PDE4D: variants seen among roughly 807,000 people sequenced by gnomAD.
PDE4D encodes phosphodiesterase 4D.
PDE4D carries 24 observed loss-of-function variants against 87.4 expected under a neutral mutation model. That is an observed-to-expected ratio of 0.27 (90% confidence interval 0.20 to 0.39). The LOEUF is 0.39. PDE4D is among the 10% of genes least tolerant of loss of function. The probability of loss-of-function intolerance (pLI) is 1.00; values close to 1 mark genes in which losing one functional copy is unlikely to be tolerated. For synonymous variants in PDE4D, 384 were observed against 383.2 expected (o/e 1.00, Z -0.02); for missense variants, 714 against 1,041.0 (o/e 0.69, Z 4.32).
chr5:59,210,285 G>T (rs1749792249), intron 2 of PDE4D, among the ~76,000 whole-genome samples: 1 of 152,184 alleles, frequency 6.6e-6, no homozygotes, highest in Non-Finnish European at 1.5e-5. Context: ...GACCAGGGAA[G>T]ATTAATAATC....
At chr5:60,434,457 G>A (rs1443447330) in intron 1 of PDE4D, among the ~76,000 whole-genome samples, 1 of 151,790 alleles carries the variant, frequency 6.6e-6, no homozygotes, top group Non-Finnish European at 1.5e-5. Flanking sequence ...TAATATTTGT[G>A]TGTTTTAAAA....
intron 1 of PDE4D, among the ~76,000 whole-genome samples, chr5:59,548,945 G>C (rs1490737705): frequency 6.6e-6 from 1 of 152,096 alleles, no homozygotes; most frequent in Non-Finnish European, 1.5e-5. Flanking sequence ...ACAGAAATAG[G>C]AGTTAGGGGT....
rs530750585 is a variant in PDE4D at position 60,170,423 on chromosome 5, G to A, written c.42+15134C>T. 2.0e-5 allele frequency among the ~76,000 whole-genome samples: 3 copies of A among 151,990 alleles called. No individual in the cohort carries two copies. In the East Asian group the frequency reaches 5.8e-4, roughly 29 times the overall value. On this transcript the variant is annotated intron_variant, in intron 2 of 16. Transcript: ENST00000502484. ...GAAGGAAAAGAGTGAACAGATCTCA[G>A]GTAAGGATTTGAAAATCTTCCATTT...
Position 59,401,478 on chromosome 5 carries a change from A to ATCTATCTGTCTG in PDE4D, c.456-185511_456-185510insCAGACAGATAGA, listed in dbSNP as rs150045951. ...TATCTATCTATCTATCTATCTATCTATCTATCTATTTTGATCCCATGGGGG... is the reference window on the plus strand; with the variant it reads ...TATCTATCTATCTATCTATCTATCTATCTATCTGTCTGTCTATCTATTTTGATCCCATGGGGG... On this transcript the variant is annotated intron_variant, in intron 1 of 14. Coordinates refer to ENST00000340635, the MANE Select transcript of PDE4D (RefSeq NM_001104631.2). 9.9e-3 allele frequency among the ~76,000 whole-genome samples: 1,495 copies of ATCTATCTGTCTG among 150,986 alleles called. 31 individuals carry two copies. The highest frequency in any genetic ancestry group is 0.03 in the African/African-American group (1,245 of 40,958).
At chr5:59,527,874 C>A (rs1033181197) in intron 1 of PDE4D, among the ~76,000 whole-genome samples, 4 of 152,124 alleles carry the variant, frequency 2.6e-5, no homozygotes, top group African/African-American at 9.7e-5. Context: ...CTCTGATGCA[C>A]CCTTACTTTC....
chr5:60,227,865 G>A (rs1007099485), intron 1 of PDE4D, among the ~76,000 whole-genome samples: 2 of 152,008 alleles, frequency 1.3e-5, no homozygotes, highest in Non-Finnish European at 2.9e-5. Flanking sequence ...TAGCCAGTAA[G>A]TCCCTATGTG....
intron 5 of PDE4D, among the ~76,000 whole-genome samples, chr5:59,164,079 C>T (rs554644941): frequency 1.3e-5 from 2 of 152,264 alleles, no homozygotes; most frequent in African/African-American, 4.8e-5. Context: ...AGAGGGAGGG[C>T]TGTTAAATGA....
chr5:59,786,485 G>A (rs1240666975), intron 1 of PDE4D, among the ~76,000 whole-genome samples: 1 of 152,206 alleles, frequency 6.6e-6, no homozygotes, highest in South Asian at 2.1e-4. Flanking sequence ...TGGGTTCCAG[G>A]CAGCTGTAAA....
Position 59,616,388 on chromosome 5 carries a change from T to C in PDE4D, c.455+276780A>G, listed in dbSNP as rs1355941575. Among the ~76,000 whole-genome samples the C allele has an allele frequency of 2.0e-5, 3 of 152,294 alleles. No individual in the cohort carries two copies. In the East Asian group the frequency reaches 5.8e-4, roughly 29 times the overall value. On this transcript the variant is annotated intron_variant, in intron 1 of 14. Transcript: ENST00000340635. The stretch of plus-strand genomic sequence containing the variant: ...AAGTTTTAAAGAATTCAGCTCAGTA[T>C]TTTGGTGTTTCAGCACTTTCTATTT...
rs1351375528 is a variant in PDE4D at position 59,742,239 on chromosome 5, C to T, written c.455+150929G>A. Among the ~76,000 whole-genome samples the T allele has an allele frequency of 3.3e-5, 5 of 152,040 alleles. No individual in the cohort carries two copies. In the East Asian group the frequency reaches 7.7e-4, roughly 24 times the overall value. On this transcript the variant is annotated intron_variant, in intron 1 of 14. Transcript: ENST00000340635. Reference sequence around the variant, plus strand: ...CTACCATATTTGGTGAATTTTTATACTTTTAGTAGAGACGGGGTTTCACCA... The same window carrying T: ...CTACCATATTTGGTGAATTTTTATATTTTTAGTAGAGACGGGGTTTCACCA...
intron 1 of PDE4D, among the ~76,000 whole-genome samples, chr5:59,470,186 T>C (rs1481648291): frequency 1.3e-5 from 2 of 152,312 alleles, no homozygotes; most frequent in Admixed American, 1.3e-4. Flanking sequence ...TCTCTGAGAA[T>C]GCTGAGTCAC....
upstream of PDE4D, among the ~76,000 whole-genome samples, chr5:59,896,526 T>C (rs1441730642): frequency 6.6e-6 from 1 of 152,208 alleles, no homozygotes; most frequent in Non-Finnish European, 1.5e-5. Flanking sequence ...GAGAAGATGC[T>C]GCTTCAGTGT....
At chr5:60,337,372 T>TACACAC (rs1295111958) in intron 1 of PDE4D, among the ~76,000 whole-genome samples, 1 of 117,002 alleles carries the variant, frequency 8.5e-6, no homozygotes, top group African/African-American at 3.5e-5. Context: ...TATATATATA[T>TACACAC]ATATATATAT....
intron 2 of PDE4D, among the ~76,000 whole-genome samples, chr5:59,993,793 T>C (rs1435300134): frequency 6.6e-6 from 1 of 152,036 alleles, no homozygotes; most frequent in Non-Finnish European, 1.5e-5. Context: ...CTTAGAAATA[T>C]ATTCGGCTTC....
intron 3 of PDE4D, among the ~76,000 whole-genome samples, chr5:59,921,702 G>A (rs1488844224): frequency 2.0e-5 from 3 of 152,142 alleles, no homozygotes; most frequent in African/African-American, 7.2e-5. Flanking sequence ...CCAACAACCT[G>A]GGTGAAGATA....
At chr5:59,868,696 G>A (rs566033364) in intron 1 of PDE4D, among the ~76,000 whole-genome samples, 4 of 152,206 alleles carry the variant, frequency 2.6e-5, no homozygotes, top group South Asian at 4.2e-4. Context: ...AGAAGGCAAC[G>A]GTGCCTGATA....
chr5:59,148,754 GGTGTGTGTGTGTGTGT>G (rs3061422), intron 5 of PDE4D, among the ~76,000 whole-genome samples: 4 of 145,482 alleles, frequency 2.7e-5, no homozygotes, highest in Admixed American at 1.4e-4. Context: ...AATATATAGC[GGTGTGTGTGTGTGTGT>G]GTGTGTGTGT....
At chr5:60,387,422 A>C (rs1013767617) in intron 1 of PDE4D, among the ~76,000 whole-genome samples, 4 of 152,166 alleles carry the variant, frequency 2.6e-5, no homozygotes, top group African/African-American at 4.8e-5. Flanking sequence ...GCTCACCAGC[A>C]GTGTGTTCTG....
At chr5:59,247,174 A>G (rs1004399079) in intron 1 of PDE4D, among the ~76,000 whole-genome samples, 1 of 150,292 alleles carries the variant, frequency 6.7e-6, no homozygotes, top group East Asian at 1.9e-4. Context: ...TCAGTTAGTA[A>G]CTGTAAAGGA....
Sources: allele counts gnomAD v4.1 joint callset (sites outside exome capture counted in the v4.1 genomes callset), GRCh38; gene constraint gnomAD v4.1.1; transcripts MANE v1.5; gene names NCBI Gene and HGNC (gene_info 2026-07-23, HGNC 2026-07-21).